Variants in RPE observed in about 807,000 individuals in gnomAD.
RPE encodes ribulose-phosphate 3-epimerase.
A neutral mutation model predicts 24.6 loss-of-function variants in RPE; 16 were observed. The ratio of observed to expected loss-of-function variants is 0.65; its 90% CI spans 0.44 to 0.99. The LOEUF is 0.99. RPE is among the 50% of genes least tolerant of loss of function. The pLI is 0.00. For synonymous variants in RPE, 93 were observed against 98.4 expected, an observed-to-expected ratio of 0.94 and a Z score of 0.33; for missense variants, 240 against 294.5, an observed-to-expected ratio of 0.81 and a Z score of 1.35.
At chr2:210,017,681 A>G in intron 5 of RPE, 122 bp downstream of exon 5, 1 of 777,166 alleles carries the variant, frequency 1.3e-6, no homozygotes, top group Non-Finnish European at 2.0e-6. Flanking sequence ...TTGGAAAAGT[A>G]TTTTTTGTTC....
At chr2:210,015,193 T>C (rs13006132) in intron 2 of RPE, among the ~76,000 whole-genome samples, 9,328 of 152,278 alleles carry the variant, frequency 0.061, 341 homozygotes, top group Middle Eastern at 0.13. Flanking sequence ...GATCCTCTTA[T>C]CCTCCACATC....
rs746259273 is a variant in RPE at position 210,020,102 on chromosome 2, G to A, written c.*311G>A. 1.0e-5 allele frequency: 2 copies of A among 193,076 alleles called. No homozygotes were observed. Among genetic ancestry groups the A allele is most frequent in the African/African-American group, 2.4e-5 (1 of 42,552 alleles). 12.0% of individuals were successfully genotyped at this position (193,076 alleles called of 1,614,324 possible). A position where few individuals can be genotyped will look rare whatever the true frequency, so the allele number is the denominator to read the frequency against. On this transcript the variant is annotated 3_prime_UTR_variant, in exon 6 of 6. Coordinates refer to ENST00000359429, the MANE Select transcript of RPE (RefSeq NM_199229.3). Reference sequence around the variant, plus strand: ...AGAAAAGTGTCTTAATGTCTAAGGAGGGCATATTAGCTACACTACAAAAAC... The same window carrying A: ...AGAAAAGTGTCTTAATGTCTAAGGAAGGCATATTAGCTACACTACAAAAAC...
chr2:210,017,678 A>C, intron 5 of RPE, 119 bp downstream of exon 5: 1 of 919,052 alleles, frequency 1.1e-6, no homozygotes, highest in Non-Finnish European at 1.7e-6. Context: ...TTCTTGGAAA[A>C]GTATTTTTTG....
At chr2:210,012,670 G>T (rs1435811446) in intron 2 of RPE, among the ~76,000 whole-genome samples, 1 of 152,220 alleles carries the variant, frequency 6.6e-6, no homozygotes, top group South Asian at 2.1e-4. Flanking sequence ...TTTCAGACCT[G>T]GCTATTTTAA....
At chr2:210,014,174 C>T (rs964812761) in intron 2 of RPE, among the ~76,000 whole-genome samples, 42 of 152,152 alleles carry the variant, frequency 2.8e-4, no homozygotes, top group African/African-American at 9.9e-4. Flanking sequence ...TGACTGCAAG[C>T]TCCGCCTCCT....
intron 4 of RPE, among the ~76,000 whole-genome samples, chr2:210,016,929 G>T (rs781085617): frequency 3.3e-5 from 5 of 152,152 alleles, no homozygotes; most frequent in Non-Finnish European, 5.9e-5. Flanking sequence ...TTGCAGCCTT[G>T]ACCTCCTGGA....
At chr2:210,012,215 A>C (rs1288171444) in intron 2 of RPE, among the ~76,000 whole-genome samples, 1 of 152,218 alleles carries the variant, frequency 6.6e-6, no homozygotes, top group African/African-American at 2.4e-5. Flanking sequence ...AGTATGTTGT[A>C]TAAGGACCCA....
intron 1 of RPE, 31 bp downstream of exon 1, chr2:210,002,814 C>G (rs1385551071): frequency 6.8e-6 from 11 of 1,613,942 alleles, no homozygotes; most frequent in South Asian, 5.5e-5. Context: ...TCGGGCTTGC[C>G]GCGCGGCGGG....
intron 2 of RPE, among the ~76,000 whole-genome samples, chr2:210,015,544 C>T (rs1013191932): frequency 3.9e-5 from 6 of 152,120 alleles, no homozygotes; most frequent in Non-Finnish European, 7.4e-5. Flanking sequence ...TTTGCTCTAA[C>T]CCTAGGACCT....
intron 5 of RPE, among the ~76,000 whole-genome samples, chr2:210,019,085 A>G (rs937408904): frequency 2.0e-5 from 3 of 152,092 alleles, no homozygotes; most frequent in Admixed American, 6.5e-5. Flanking sequence ...TTCTTTTTCA[A>G]TTTCTTTGCT....
intron 1 of RPE, among the ~76,000 whole-genome samples, chr2:210,004,901 T>A (rs2093609748): frequency 6.6e-6 from 1 of 152,218 alleles, no homozygotes. Flanking sequence ...AATGAAGTAT[T>A]TGTTTTTTAT....
At chr2:210,004,020 C>A (rs2093597837) in intron 1 of RPE, among the ~76,000 whole-genome samples, 1 of 152,058 alleles carries the variant, frequency 6.6e-6, no homozygotes, top group Admixed American at 6.6e-5. Context: ...TTTAATTGGC[C>A]ATTATATGTA....
chr2:210,003,578 A>T (rs1575287629), intron 1 of RPE: 1 of 548,202 alleles, frequency 1.8e-6, no homozygotes, highest in East Asian at 7.3e-5. Flanking sequence ...AGAAAGCAGT[A>T]AGACTCCCTC....
chr2:210,005,993 G>A (rs549278784), intron 1 of RPE, among the ~76,000 whole-genome samples: 1 of 152,302 alleles, frequency 6.6e-6, no homozygotes, highest in Admixed American at 6.5e-5. Context: ...GATGGAACAT[G>A]AGAGAGAAAA....
At chr2:210,012,582 A>G (rs1414285470) in intron 2 of RPE, among the ~76,000 whole-genome samples, 1 of 152,238 alleles carries the variant, frequency 6.6e-6, no homozygotes, top group Non-Finnish European at 1.5e-5. Context: ...TGCACCATAG[A>G]GGTGTGATCT....
chr2:210,004,946 G>T (rs1022456073), intron 1 of RPE, among the ~76,000 whole-genome samples: 2 of 152,152 alleles, frequency 1.3e-5, no homozygotes, highest in Non-Finnish European at 2.9e-5. Context: ...AGATACTTTG[G>T]TTTGGAAAAA....
At chr2:210,013,932 T>C (rs1392504408) in intron 2 of RPE, among the ~76,000 whole-genome samples, 1 of 152,216 alleles carries the variant, frequency 6.6e-6, no homozygotes, top group Non-Finnish European at 1.5e-5. Flanking sequence ...ATTGCTGATC[T>C]AATGTTAACT....
intron 1 of RPE, among the ~76,000 whole-genome samples, chr2:210,004,992 CT>C (rs1036710967): frequency 6.6e-5 from 10 of 152,200 alleles, no homozygotes; most frequent in African/African-American, 2.4e-4. Context: ...AATTATTTCC[CT>C]TTTAATCTTC....
chr2:210,005,341 A>G (rs1033215025), intron 1 of RPE, among the ~76,000 whole-genome samples: 12 of 152,024 alleles, frequency 7.9e-5, no homozygotes, highest in Non-Finnish European at 1.6e-4. Context: ...AAGACCTCCA[A>G]TTTCTCCCCT....
Sources: gnomAD v4.1 joint callset for allele counts (sites outside exome capture counted in the v4.1 genomes callset) on GRCh38, gnomAD v4.1.1 for gene constraint, MANE v1.5 for transcripts, NCBI Gene and HGNC (gene_info 2026-07-23, HGNC 2026-07-21) for gene names.